Variants in ASB3 observed in about 807,000 individuals in gnomAD.
The protein encoded by ASB3 is ankyrin repeat and SOCS box protein 3.
A neutral mutation model predicts 54.5 loss-of-function variants in ASB3; 41 were observed. The observed-to-expected ratio is 0.75, with a 90% CI of 0.59 to 0.98. The LOEUF (loss-of-function observed/expected upper bound fraction) is 0.98. ASB3 is among the 50% of genes least tolerant of loss of function. ASB3 has a pLI of 0.00. For synonymous variants in ASB3, 266 were observed against 221.2 expected (o/e 1.20, Z -1.80); for missense variants, 733 against 620.0 (o/e 1.18, Z -1.94).
chr2:53,782,864 G>A (rs1012930148), intron 1 of ASB3, among the ~76,000 whole-genome samples: 1 of 151,904 alleles, frequency 6.6e-6, no homozygotes, highest in Non-Finnish European at 1.5e-5. Flanking sequence ...TCGGCTCACT[G>A]CAACCTCCGC....
chr2:53,766,349 C>T (rs567503792), intron 1 of ASB3, among the ~76,000 whole-genome samples: 2 of 152,294 alleles, frequency 1.3e-5, no homozygotes, highest in African/African-American at 2.4e-5. Flanking sequence ...GTGACTCTCT[C>T]GAAGACACAA....
At chr2:53,772,069 AT>A (rs1673959162) in intron 1 of ASB3, 1 of 607,008 alleles carries the variant, frequency 1.6e-6, no homozygotes, top group African/African-American at 1.9e-5. Flanking sequence ...TCTTCTCTGT[AT>A]TTGTGGGTTT....
At chr2:53,716,536 C>G in intron 6 of ASB3, 30 bp downstream of exon 6, 1 of 1,597,882 alleles carries the variant, frequency 6.3e-7, no homozygotes. Flanking sequence ...GATTAAGAGA[C>G]CATGTTTATT....
At chr2:53,717,539 A>C (rs1446714531) in intron 5 of ASB3, among the ~76,000 whole-genome samples, 2 of 152,298 alleles carry the variant, frequency 1.3e-5, no homozygotes, top group East Asian at 3.9e-4. Context: ...AAAAGAAAAA[A>C]ATCCCACCTG....
At chr2:53,732,984 A>G (rs1271677252) in intron 3 of ASB3, among the ~76,000 whole-genome samples, 1 of 152,238 alleles carries the variant, frequency 6.6e-6, no homozygotes, top group African/African-American at 2.4e-5. Context: ...ATTACTTTAT[A>G]CAGACATACT....
In ASB3 at chr2:53,700,267, T is replaced by C. The variant is rs779523299; in HGVS notation, c.1238+4A>G. The C allele has an allele frequency of 4.3e-6, 7 of 1,609,402 alleles. No individual in the cohort carries two copies. Among genetic ancestry groups the C allele is most frequent in the East Asian group, 2.2e-5 (1 of 44,816 alleles). ...GTAAGCCCGACTATGGTAGAATTTC[T>C]TACCAAGAATTGCACAGTAGAATCA... On this transcript the variant is annotated splice_donor_region_variant and intron_variant, in intron 8 of 9. Coordinates refer to ENST00000263634, the MANE Select transcript of ASB3 (RefSeq NM_016115.5).
chr2:53,778,417 GA>G lies in ASB3; in HGVS notation c.-14+8403del, dbSNP rs566919704. On this transcript the variant is annotated intron_variant, in intron 1 of 9. Transcript: ENST00000263634. ...CATGACCTCAAATTTTTTTTGTAGTGAAAACTTTTAAAAGTTACTCTTAGCA... is the reference window on the plus strand; with the variant it reads ...CATGACCTCAAATTTTTTTTGTAGTGAAACTTTTAAAAGTTACTCTTAGCA... 2.3e-3 allele frequency among the ~76,000 whole-genome samples: 346 copies of G among 151,990 alleles called. 1 individual carries two copies. The highest frequency in any genetic ancestry group is 8.0e-3 in the African/African-American group (331 of 41,494).
At position 53,776,057 on chromosome 2, in the gene ASB3, A is replaced by G. The variant is rs531725064; in HGVS notation, c.-13-10472T>C. ...ACATATAATCTCTCTAGAATCTTTC[A>G]CCATAAGAACTTCAGTATAAAACTA... On this transcript the variant is annotated intron_variant, in intron 1 of 9. Coordinates refer to ENST00000263634, the MANE Select transcript of ASB3 (RefSeq NM_016115.5). Among the ~76,000 whole-genome samples the G allele has an allele frequency of 1.1e-4, 16 of 152,310 alleles. 1 individual carries two copies. The South Asian group carries it at 3.3e-3, about 32-fold the overall frequency.
chr2:53,729,101 T>C (rs897580315), intron 4 of ASB3, among the ~76,000 whole-genome samples: 1 of 152,152 alleles, frequency 6.6e-6, no homozygotes, highest in African/African-American at 2.4e-5. Flanking sequence ...TATAGAATCC[T>C]GAAAAATTAG....
intron 9 of ASB3, among the ~76,000 whole-genome samples, chr2:53,684,308 G>A (rs1231786590): frequency 1.3e-5 from 2 of 152,204 alleles, no homozygotes; most frequent in African/African-American, 2.4e-5. Flanking sequence ...ACTATGAGAA[G>A]CTAAAGCTTC....
Position 53,728,796 on chromosome 2 carries a change from A to G in ASB3, c.520T>C (p.Cys174Arg), listed in dbSNP as rs373368053. The G allele has an allele frequency of 2.5e-5, 41 of 1,612,542 alleles. No individual in the cohort carries two copies. In the African/African-American group the frequency reaches 5.3e-4, roughly 21 times the overall value. ...LLLRKGANKE[C>R]QDDFGITPLF... ...GGTGTGATTCCAAAGTCATCCTGGCATTCCTTGTTTGCTCCTTTTCTAAGA... is the reference window on the plus strand; with the variant it reads ...GGTGTGATTCCAAAGTCATCCTGGCGTTCCTTGTTTGCTCCTTTTCTAAGA... The change falls in exon 5 of 10, where the codon TGC becomes CGC. Residue 174 changes from cysteine (C) to arginine (R), a missense_variant. Coordinates refer to ENST00000263634, the MANE Select transcript of ASB3 (RefSeq NM_016115.5).
chr2:53,728,909 TCTTA>T (rs1221353689), intron 4 of ASB3, 62 bp from the exon 5 acceptor site: 24 of 1,493,970 alleles, frequency 1.6e-5, no homozygotes, highest in African/African-American at 2.8e-5. Flanking sequence ...GTATCTTTCT[TCTTA>T]CTGTGTTTTT....
At chr2:53,699,616 A>C (rs893624580) in intron 8 of ASB3, among the ~76,000 whole-genome samples, 1 of 151,944 alleles carries the variant, frequency 6.6e-6, no homozygotes, top group African/African-American at 2.4e-5. Flanking sequence ...GAAGACTTCC[A>C]TTTTATTTTC....
intron 2 of ASB3, among the ~76,000 whole-genome samples, chr2:53,759,224 T>C (rs1243020478): frequency 6.6e-6 from 1 of 152,088 alleles, no homozygotes; most frequent in Admixed American, 6.5e-5. Flanking sequence ...AACATGGAGA[T>C]TGGTGCCGCA....
rs535389743 is a variant in ASB3 at position 53,779,280 on chromosome 2, T to C, written c.-14+7541A>G. On this transcript the variant is annotated intron_variant, in intron 1 of 9. Coordinates refer to ENST00000263634, the MANE Select transcript of ASB3 (RefSeq NM_016115.5). ...ATTTGAGTTCCTTTTATATTCTGAA[T>C]TTTAATCCCTTATCTCATGTATGGC... is the stretch of plus-strand genomic sequence containing the variant. 7.2e-5 allele frequency among the ~76,000 whole-genome samples: 11 copies of C among 152,342 alleles called. No individual in the cohort carries two copies. In the South Asian group the frequency reaches 2.3e-3, roughly 32 times the overall value.
intron 1 of ASB3, among the ~76,000 whole-genome samples, chr2:53,775,373 A>G (rs902235321): frequency 1.3e-5 from 2 of 152,156 alleles, no homozygotes; most frequent in Non-Finnish European, 2.9e-5. Context: ...ATATATATAC[A>G]TATAAAATTT....
chr2:53,711,060 A>G (rs944981474), intron 7 of ASB3, among the ~76,000 whole-genome samples: 2 of 152,160 alleles, frequency 1.3e-5, no homozygotes, highest in Non-Finnish European at 2.9e-5. Context: ...AGCCCAGGGA[A>G]GTCGAGGCTG....
intron 2 of ASB3, among the ~76,000 whole-genome samples, chr2:53,765,098 T>G (rs1673361704): frequency 6.6e-6 from 1 of 152,178 alleles, no homozygotes; most frequent in South Asian, 2.1e-4. Context: ...ACCAAATGCT[T>G]AAATTCAAAC....
At chr2:53,774,860 CAATT>C (rs1412748324) in intron 1 of ASB3, 4 of 181,098 alleles carry the variant, frequency 2.2e-5, no homozygotes, top group South Asian at 1.7e-4. Flanking sequence ...AAATTCTAAA[CAATT>C]AAACCAAAAT....
Sources: allele counts gnomAD v4.1 joint callset (sites outside exome capture counted in the v4.1 genomes callset), GRCh38; gene constraint gnomAD v4.1.1; transcripts MANE v1.5; gene names NCBI Gene and HGNC (gene_info 2026-07-23, HGNC 2026-07-21).